Variants in SSMEM1 observed in about 807,000 individuals in gnomAD.
SSMEM1 encodes the protein serine-rich single-pass membrane protein 1.
A neutral mutation model predicts 9.9 loss-of-function variants in SSMEM1; 12 were observed. The ratio of observed to expected loss-of-function variants is 1.21; its 90% CI spans 0.78 to 1.96. The LOEUF is 1.96. SSMEM1 is among the 30% of genes most tolerant of loss of function. SSMEM1 has a pLI of 0.00. For synonymous variants in SSMEM1, 96 were observed against 98.9 expected (o/e 0.97, Z 0.17); for missense variants, 259 against 292.2 (o/e 0.89, Z 0.83).
At chr7:130,211,160 C>CTTTTTT (rs59732545) in intron 1 of SSMEM1, among the ~76,000 whole-genome samples, 2 of 133,996 alleles carry the variant, frequency 1.5e-5, no homozygotes, top group Admixed American at 7.9e-5. Context: ...AAAGTGGTAT[C>CTTTTTT]TTTTTTTTTT....
intron 2 of SSMEM1, among the ~76,000 whole-genome samples, chr7:130,214,787 C>A (rs1259841362): frequency 2.0e-5 from 3 of 152,152 alleles, no homozygotes; most frequent in Non-Finnish European, 2.9e-5. Flanking sequence ...AATGTAGTGG[C>A]TACAGGGATG....
upstream of SSMEM1, chr7:130,205,589 A>G (rs1798433124): frequency 3.0e-6 from 2 of 657,930 alleles, no homozygotes; most frequent in Non-Finnish European, 5.3e-6. Flanking sequence ...GCTGCGGGAG[A>G]AAGCTAAGCA....
At chr7:130,209,690 C>A (rs1798556447) in intron 1 of SSMEM1, among the ~76,000 whole-genome samples, 1 of 152,230 alleles carries the variant, frequency 6.6e-6, no homozygotes, top group South Asian at 2.1e-4. Flanking sequence ...AGTGATTCTC[C>A]TGCCTCAGCC....
chr7:130,216,077 C>T lies in SSMEM1; in HGVS notation c.342C>T (p.Asn114=), dbSNP rs1340305180. The change falls in exon 3 of 3, where the codon AAC becomes AAT. Residue 114 remains asparagine, a synonymous_variant. Coordinates refer to ENST00000297819, the MANE Select transcript of SSMEM1 (RefSeq NM_145268.4). ...AGAACCAACTTACCCCTGTAACCAA[C>T]TCAGAAGTGGCTTTGGTCAATGCCT... ...PKQNQLTPVT[N]SEVALVNAYP... 6.2e-7 allele frequency: 1 copy of T among 1,614,112 alleles called. No homozygotes were observed. The highest frequency in any genetic ancestry group is 1.3e-5 in the African/African-American group (1 of 74,940).
chr7:130,213,522 T>G lies in SSMEM1; in HGVS notation c.226T>G (p.Ser76Ala), dbSNP rs1301226936. 3.1e-6 allele frequency: 5 copies of G among 1,610,392 alleles called. No homozygotes were observed. In the Admixed American group the frequency reaches 8.4e-5, roughly 27 times the overall value. The change falls in exon 2 of 3, where the codon TCA becomes GCA. Residue 76 changes from serine (S) to alanine (A), a missense_variant. Ser to Ala is a moderately conservative substitution (Grantham distance 99, BLOSUM62 1). Coordinates refer to ENST00000297819, the MANE Select transcript of SSMEM1 (RefSeq NM_145268.4). ...KKDEGSGTST[S>A]VRKASKETSC... Reference sequence around the variant, plus strand: ...GGATGAAGGCAGTGGGACAAGTACTTCAGTAAGGAAAGGTGAGAACCAGTG... The same window carrying G: ...GGATGAAGGCAGTGGGACAAGTACTGCAGTAAGGAAAGGTGAGAACCAGTG...
At chr7:130,215,670 A>G (rs1798690815) in intron 2 of SSMEM1, among the ~76,000 whole-genome samples, 1 of 152,198 alleles carries the variant, frequency 6.6e-6, no homozygotes, top group African/African-American at 2.4e-5. Context: ...TCAAAGGGAA[A>G]AAAGAGTTCT....
chr7:130,211,232 A>G (rs1798585843), intron 1 of SSMEM1, among the ~76,000 whole-genome samples: 1 of 144,374 alleles, frequency 6.9e-6, no homozygotes, highest in African/African-American at 2.6e-5. Flanking sequence ...ATCTCTGCTC[A>G]CTGCAAGCTC....
rs1798705673 is a variant in SSMEM1, at chr7:130,216,245, C to A, written c.510C>A (p.His170Gln). 5 of 1,614,188 alleles carry A rather than the reference C, an allele frequency of 3.1e-6. No homozygotes were observed. The highest frequency in any genetic ancestry group is 4.2e-6 in the Non-Finnish European group (5 of 1,180,042). The change falls in exon 3 of 3, where the codon CAC (histidine) becomes CAA (glutamine). Residue 170 changes from histidine (H) to glutamine (Q), a missense_variant. Coordinates refer to ENST00000297819, the MANE Select transcript of SSMEM1 (RefSeq NM_145268.4). ...GGAAGGAGAGTGAAAGTGAACACCA[C>A]CCATCACCAGACAGTATTAAGAGGA... ...SSWKESESEH[H>Q]PSPDSIKRRK...
chr7:130,213,501 GA>G lies in SSMEM1; in HGVS notation c.207del (p.Gly70AlafsTer8). 1 of 1,611,480 alleles carries G rather than the reference GA, an allele frequency of 6.2e-7. No homozygotes were observed. The highest frequency in any genetic ancestry group is 1.1e-5 in the South Asian group (1 of 90,884). ...ACAGATGTCTGAGGATAAAAAGGAT[GA>G]AGGCAGTGGGACAAGTACTTCAGTA... ...SVWMSEDKKD[E>X]GSGTSTSVRK... On this transcript the variant is annotated frameshift_variant, in exon 2 of 3. Coordinates refer to ENST00000297819, the MANE Select transcript of SSMEM1 (RefSeq NM_145268.4). LOFTEE classifies it low-confidence loss of function (END_TRUNC).
chr7:130,213,087 C>T (rs965696203), intron 1 of SSMEM1, among the ~76,000 whole-genome samples: 1 of 152,202 alleles, frequency 6.6e-6, no homozygotes, highest in Admixed American at 6.5e-5. Flanking sequence ...GTGGCTCATA[C>T]CTGTAATCCC....
chr7:130,213,213 TA>T (rs1328122751), intron 1 of SSMEM1, among the ~76,000 whole-genome samples: 3 of 151,954 alleles, frequency 2.0e-5, no homozygotes, highest in Admixed American at 2.0e-4. Context: ...CCGGGCGTGG[TA>T]GCGGGCACCT....
chr7:130,205,612 C>G (rs572164887), upstream of SSMEM1: 319 of 613,256 alleles, frequency 5.2e-4, no homozygotes, highest in Non-Finnish European at 6.4e-4. Context: ...AAAATTCAGA[C>G]CAGGCTCTGA....
chr7:130,212,976 A>G (rs915069943), intron 1 of SSMEM1, among the ~76,000 whole-genome samples: 4 of 152,328 alleles, frequency 2.6e-5, no homozygotes, highest in African/African-American at 7.2e-5. Context: ...TAGGATCACT[A>G]TAACAGGAAC....
upstream of SSMEM1, chr7:130,207,707 A>G (rs1407148260): frequency 1.5e-6 from 1 of 688,784 alleles, no homozygotes; most frequent in Non-Finnish European, 2.6e-6. Context: ...GGGGAAAATA[A>G]CATAAACATT....
At chr7:130,213,621 G>C (rs118135439) in intron 2 of SSMEM1, 87 bp downstream of exon 2, 63,281 of 1,126,852 alleles carry the variant, frequency 0.056, 1,966 homozygotes, top group Middle Eastern at 0.087. Context: ...TACTCAGAAG[G>C]CTGAGGCAGG....
At position 130,216,160 on chromosome 7, in the gene SSMEM1, A is replaced by G. The variant is rs768880751; in HGVS notation, c.425A>G (p.Gln142Arg). 6.2e-6 allele frequency: 10 copies of G among 1,614,240 alleles called. No individual in the cohort carries two copies. In the East Asian group the frequency reaches 1.1e-4, roughly 18 times the overall value. The stretch of plus-strand genomic sequence containing the variant: ...CAGTTCAATGAGGTGAACCAGAACC[A>G]ACATGACAGTGATACTACGGAGTAT... Reference protein sequence around the residue: ...QSQFNEVNQNQHDSDTTEYGS... With the variant: ...QSQFNEVNQNRHDSDTTEYGS... The change falls in exon 3 of 3, where the codon CAA (glutamine) becomes CGA (arginine). Residue 142 changes from glutamine (Q) to arginine (R), a missense_variant. Transcript: ENST00000297819.
intron 1 of SSMEM1, among the ~76,000 whole-genome samples, chr7:130,211,160 C>CTTTTTTTT (rs59732545): frequency 7.5e-6 from 1 of 133,996 alleles, no homozygotes; most frequent in African/African-American, 2.8e-5. Context: ...AAAGTGGTAT[C>CTTTTTTTT]TTTTTTTTTT....
chr7:130,211,762 T>C (rs1798595988), intron 1 of SSMEM1, among the ~76,000 whole-genome samples: 1 of 152,206 alleles, frequency 6.6e-6, no homozygotes, highest in Non-Finnish European at 1.5e-5. Context: ...CACTTTTATA[T>C]GCTCCTTAAA....
chr7:130,211,539 C>T (rs992608357), intron 1 of SSMEM1, among the ~76,000 whole-genome samples: 3 of 152,064 alleles, frequency 2.0e-5, no homozygotes, highest in African/African-American at 7.2e-5. Context: ...CAAAAAGGCA[C>T]CTCATTAAAG....
Sources: allele counts gnomAD v4.1 joint callset (sites outside exome capture counted in the v4.1 genomes callset), GRCh38; gene constraint gnomAD v4.1.1; transcripts MANE v1.5; gene names NCBI Gene and HGNC (gene_info 2026-07-23, HGNC 2026-07-21).